Variants in ZCCHC24 observed in about 807,000 individuals in gnomAD.
The protein encoded by ZCCHC24 is zinc finger CCHC domain-containing protein 24.
ZCCHC24 carries 10 observed loss-of-function variants against 26.2 expected under a neutral mutation model. That is an observed-to-expected ratio of 0.38 (90% CI 0.24 to 0.65). The LOEUF is 0.65. Among genes scored for constraint, ZCCHC24 ranks in the 30% least tolerant of loss-of-function variants. The probability of loss-of-function intolerance (pLI) is 0.54; values close to 1 mark genes in which losing one functional copy is unlikely to be tolerated. For missense variants in ZCCHC24, 243 were observed against 329.1 expected, an observed-to-expected ratio of 0.74 and a Z score of 2.03; for synonymous variants, 144 against 147.1, an observed-to-expected ratio of 0.98 and a Z score of 0.15.
intron 2 of ZCCHC24, among the ~76,000 whole-genome samples, chr10:79,409,822 C>T (rs1231152728): frequency 2.0e-5 from 3 of 152,202 alleles, no homozygotes; most frequent in South Asian, 2.1e-4. Flanking sequence ...AGGCGAGGGC[C>T]GACACTTCCT....
chr10:79,433,584 C>G (rs1214102919), intron 1 of ZCCHC24, among the ~76,000 whole-genome samples: 1 of 152,226 alleles, frequency 6.6e-6, no homozygotes, highest in East Asian at 1.9e-4. Context: ...CCAGGGGTCC[C>G]CCTTTCCTGG....
At chr10:79,397,619 G>A (rs1004522624) in intron 2 of ZCCHC24, among the ~76,000 whole-genome samples, 1 of 152,146 alleles carries the variant, frequency 6.6e-6, no homozygotes, top group African/African-American at 2.4e-5. Flanking sequence ...GGGATGAGGG[G>A]GCAGGCATGG....
intron 2 of ZCCHC24, among the ~76,000 whole-genome samples, chr10:79,412,881 T>C (rs1024306511): frequency 4.6e-5 from 7 of 152,186 alleles, no homozygotes; most frequent in African/African-American, 1.2e-4. Context: ...AAGGAGCTCA[T>C]GAGTACCAAG....
intron 2 of ZCCHC24, among the ~76,000 whole-genome samples, chr10:79,398,485 G>A (rs766310393): frequency 9.2e-5 from 14 of 152,224 alleles, no homozygotes; most frequent in Non-Finnish European, 1.9e-4. Context: ...AGGAGAGGGA[G>A]CAGAGGTGTC....
intron 1 of ZCCHC24, chr10:79,444,314 T>C: frequency 7.4e-7 from 1 of 1,358,690 alleles, no homozygotes. Context: ...CTGGAGACTC[T>C]TCAAAAAGGG....
chr10:79,436,732 G>C (rs927257828), intron 1 of ZCCHC24, among the ~76,000 whole-genome samples: 1 of 152,238 alleles, frequency 6.6e-6, no homozygotes. Flanking sequence ...AGATGCCCTA[G>C]CGGTCTCATT....
chr10:79,436,520 T>C (rs529501449), intron 1 of ZCCHC24, among the ~76,000 whole-genome samples: 23 of 152,332 alleles, frequency 1.5e-4, no homozygotes, highest in African/African-American at 5.1e-4. Flanking sequence ...GCAGGGATCA[T>C]GGCGCAGCCC....
intron 2 of ZCCHC24, among the ~76,000 whole-genome samples, chr10:79,415,694 C>T (rs2132199819): frequency 6.6e-6 from 1 of 152,304 alleles, no homozygotes; most frequent in East Asian, 1.9e-4. Flanking sequence ...GCACTCCCAA[C>T]AAATGGTCTC....
At chr10:79,436,454 C>T (rs1857218463) in intron 1 of ZCCHC24, among the ~76,000 whole-genome samples, 1 of 152,248 alleles carries the variant, frequency 6.6e-6, no homozygotes, top group Admixed American at 6.5e-5. Flanking sequence ...AGAGGCCTTG[C>T]TGACCTCTCC....
chr10:79,430,682 CACACCACACACACACA>C (rs1857112795), intron 2 of ZCCHC24, among the ~76,000 whole-genome samples: 1 of 102,586 alleles, frequency 9.7e-6, no homozygotes, highest in Admixed American at 1.0e-4. Context: ...CTCACACACA[CACACCACACACACACA>C]CACACACACA....
chr10:79,427,069 C>G (rs10824759), intron 2 of ZCCHC24, among the ~76,000 whole-genome samples: 27,482 of 144,280 alleles, frequency 0.19, 2,453 homozygotes, highest in African/African-American at 0.2. Flanking sequence ...TACTTTAAAA[C>G]AAAAAAAAAA....
At chr10:79,417,619 G>A (rs1856881067) in intron 2 of ZCCHC24, among the ~76,000 whole-genome samples, 1 of 152,188 alleles carries the variant, frequency 6.6e-6, no homozygotes, top group Admixed American at 6.5e-5. Context: ...AAGAAAAGAG[G>A]AAGAAAGGAT....
At position 79,388,117 on chromosome 10, in the gene ZCCHC24, C is replaced by T. The variant is rs368682939; in HGVS notation, c.613-1659G>A. Among the ~76,000 whole-genome samples the T allele has an allele frequency of 6.0e-4, 91 of 152,308 alleles. No homozygotes were observed. In the South Asian group the frequency reaches 0.016, roughly 27 times the overall value. On this transcript the variant is annotated intron_variant, in intron 3 of 3. Coordinates refer to ENST00000372336, the MANE Select transcript of ZCCHC24 (RefSeq NM_153367.4). ...GTGACCTTGGGCAGGCCACCTGTCC[C>T]CTCTGGTCTCCATGCTCCCATCTGT...
chr10:79,438,020 T>C (rs539292193), intron 1 of ZCCHC24, among the ~76,000 whole-genome samples: 4 of 152,162 alleles, frequency 2.6e-5, no homozygotes, highest in African/African-American at 9.6e-5. Context: ...GGGAAGGACA[T>C]GGCCACAGTG....
rs2132168575 is a variant in ZCCHC24, at chr10:79,384,572, C to G, written c.*1773G>C. 1 of 152,556 alleles carries G rather than the reference C, an allele frequency of 6.6e-6. No individual in the cohort carries two copies. The highest frequency in any genetic ancestry group is 2.1e-4 in the South Asian group (1 of 4,830). 9.5% of individuals were successfully genotyped at this position (152,556 alleles called of 1,614,324 possible). On this transcript the variant is annotated 3_prime_UTR_variant, in exon 4 of 4. Coordinates refer to ENST00000372336, the MANE Select transcript of ZCCHC24 (RefSeq NM_153367.4). ...AGGGTGTCCACAGCCTGCTGCCTGG[C>G]CTGGAGCAAATACCTTTTTTAAGTG...
Position 79,440,043 on chromosome 10 carries a change from AC to A in ZCCHC24, c.246+5151del, listed in dbSNP as rs147849008. Among the ~76,000 whole-genome samples, 167 of 152,070 alleles carry A rather than the reference AC, an allele frequency of 1.1e-3. 3 individuals are homozygous for A. In the East Asian group the frequency reaches 0.026, roughly 24 times the overall value. On this transcript the variant is annotated intron_variant, in intron 1 of 3. Transcript: ENST00000372336. ...GGGGGAGTGCTTGATGTTTTCAAAAACCCCAAGTAGACCAGTATGGCCAGAG... is the reference window on the plus strand; with the variant it reads ...GGGGGAGTGCTTGATGTTTTCAAAAACCCAAGTAGACCAGTATGGCCAGAG...
chr10:79,386,516 CAGAGACAGACAGGG>C (rs1856400181), intron 3 of ZCCHC24, 58 bp from the exon 4 acceptor site: 2 of 1,361,228 alleles, frequency 1.5e-6, no homozygotes, highest in Admixed American at 4.2e-5. Context: ...GACAGAAACA[CAGAGACAGACAGGG>C]AGAGACACAC....
intron 2 of ZCCHC24, among the ~76,000 whole-genome samples, chr10:79,430,408 G>A (rs1252523506): frequency 6.6e-6 from 1 of 151,890 alleles, no homozygotes; most frequent in Non-Finnish European, 1.5e-5. Context: ...GTGACAAGGA[G>A]CTTAAGGAGG....
chr10:79,428,395 T>G (rs1857064584), intron 2 of ZCCHC24, among the ~76,000 whole-genome samples: 1 of 44,678 alleles, frequency 2.2e-5, no homozygotes, highest in African/African-American at 1.1e-4. Flanking sequence ...GTACAGTATT[T>G]CAGTTTTGCA....
Sources: gnomAD v4.1 joint callset for allele counts (sites outside exome capture counted in the v4.1 genomes callset) on GRCh38, gnomAD v4.1.1 for gene constraint, MANE v1.5 for transcripts, NCBI Gene and HGNC (gene_info 2026-07-23, HGNC 2026-07-21) for gene names.